The following STUM variants were observed in gnomAD, a reference collection of about 807,000 sequenced individuals.
STUM encodes the protein protein stum homolog.
In STUM, 8 loss-of-function variants were observed where a neutral mutation model predicts 15.3. The observed-to-expected ratio is 0.52, with a 90% CI of 0.31 to 0.94. The LOEUF is 0.94. Among genes scored for constraint, STUM ranks in the 40% least tolerant of loss-of-function variants. The pLI, the probability that STUM is intolerant of heterozygous loss-of-function variation, is 0.05. For synonymous variants in STUM, 78 were observed against 88.7 expected (o/e 0.88, Z 0.68); for missense variants, 142 against 204.9 (o/e 0.69, Z 1.87).
chr1:226,576,969 A>G (rs927226518), intron 1 of STUM, among the ~76,000 whole-genome samples: 1 of 152,192 alleles, frequency 6.6e-6, no homozygotes, highest in South Asian at 2.1e-4. Flanking sequence ...ATAGCTACCC[A>G]CACACTTCCT....
rs185683308 is a variant in STUM, at chr1:226,552,859, A to G, written c.202+3753A>G. On this transcript the variant is annotated intron_variant, in intron 1 of 3. Coordinates refer to ENST00000366788, the MANE Select transcript of STUM (RefSeq NM_001003665.4). The surrounding 1 kb of genome is among the most constrained non-coding windows in gnomAD (Gnocchi z 4.7). ...TGTTTTGAGACTTTATTCTTTGTCTATCTGAGTAGATCTTAAACTCCTGGG... is the reference window on the plus strand; with the variant it reads ...TGTTTTGAGACTTTATTCTTTGTCTGTCTGAGTAGATCTTAAACTCCTGGG... Among the ~76,000 whole-genome samples the G allele has an allele frequency of 2.3e-3, 350 of 152,272 alleles. 2 individuals carry two copies. The highest frequency in any genetic ancestry group is 1.5e-3 in the Non-Finnish European group (100 of 68,016).
intron 1 of STUM, among the ~76,000 whole-genome samples, chr1:226,589,943 TA>T (rs1385322825): frequency 8.7e-6 from 1 of 115,136 alleles, no homozygotes; most frequent in Non-Finnish European, 1.9e-5. Flanking sequence ...GGAGGAATGT[TA>T]ATTTTTTTTT....
At chr1:226,557,347 G>A (rs946934605) in intron 1 of STUM, among the ~76,000 whole-genome samples, 20 of 152,136 alleles carry the variant, frequency 1.3e-4, no homozygotes, top group African/African-American at 4.8e-4. Context: ...GCCTTTTAAG[G>A]CATATATACC....
intron 1 of STUM, among the ~76,000 whole-genome samples, chr1:226,582,372 C>A (rs1571806494): frequency 6.6e-6 from 1 of 152,136 alleles, no homozygotes; most frequent in Non-Finnish European, 1.5e-5. Context: ...GCAGGTGGAT[C>A]CCCTGAGGTC....
intron 1 of STUM, among the ~76,000 whole-genome samples, chr1:226,592,052 G>T (rs12724943): frequency 0.18 from 26,746 of 151,496 alleles, 2,507 homozygotes; most frequent in East Asian, 0.23. Context: ...TAATTTTTTT[G>T]TTGTTGTTGT....
chr1:226,591,507 T>C (rs1668084457), intron 1 of STUM, among the ~76,000 whole-genome samples: 1 of 152,174 alleles, frequency 6.6e-6, no homozygotes, highest in Admixed American at 6.5e-5. Context: ...AAGCCTTTGC[T>C]AAGGATCATT....
intron 1 of STUM, among the ~76,000 whole-genome samples, chr1:226,581,997 C>T (rs1002435986): frequency 5.3e-5 from 8 of 152,234 alleles, no homozygotes; most frequent in South Asian, 2.1e-4. Context: ...TTCTGCCCTG[C>T]CCCTCATTGA....
chr1:226,554,358 A>G (rs1178951974), intron 1 of STUM, among the ~76,000 whole-genome samples: 1 of 152,264 alleles, frequency 6.6e-6, no homozygotes, highest in Non-Finnish European at 1.5e-5. Context: ...GACTAACAGC[A>G]GATGGTAGGG....
At position 226,607,906 on chromosome 1, in the gene STUM, C is replaced by G. The variant is rs1258318024; in HGVS notation, c.*5866C>G. 6.6e-6 allele frequency: 1 copy of G among 152,290 alleles called. No homozygotes were observed. Among genetic ancestry groups the G allele is most frequent in the Non-Finnish European group, 1.5e-5 (1 of 68,086 alleles). The allele number at this position is 152,290 out of a possible 1,614,324, so 9.4% of individuals were successfully genotyped here. A position where few individuals can be genotyped will look rare whatever the true frequency, so the allele number is the denominator to read the frequency against. On this transcript the variant is annotated 3_prime_UTR_variant, in exon 4 of 4. Coordinates refer to ENST00000366788, the MANE Select transcript of STUM (RefSeq NM_001003665.4). ...ACCTTTGACTGCTGGGGGATGCAGGCCAGGGTCTGCCTGGAGCCTCAGGGT... is the reference window on the plus strand; with the variant it reads ...ACCTTTGACTGCTGGGGGATGCAGGGCAGGGTCTGCCTGGAGCCTCAGGGT...
intron 1 of STUM, among the ~76,000 whole-genome samples, chr1:226,554,485 G>A (rs1667418046): frequency 6.6e-6 from 1 of 152,238 alleles, no homozygotes; most frequent in South Asian, 2.1e-4. Context: ...AATAGTTGAT[G>A]TGTTGGGACA....
chr1:226,576,276 G>A (rs899460041), intron 1 of STUM, among the ~76,000 whole-genome samples: 1 of 152,234 alleles, frequency 6.6e-6, no homozygotes, highest in Admixed American at 6.5e-5. Context: ...GGGCTAGGGG[G>A]ACAGAACTGG....
chr1:226,561,823 G>C (rs940686635), intron 1 of STUM, among the ~76,000 whole-genome samples: 3 of 152,144 alleles, frequency 2.0e-5, no homozygotes, highest in African/African-American at 4.8e-5. Flanking sequence ...ACTTACACAG[G>C]GAACATGAGA....
chr1:226,549,936 G>A lies in STUM; in HGVS notation c.202+830G>A, dbSNP rs1160552902. Among the ~76,000 whole-genome samples the A allele has an allele frequency of 6.6e-6, 1 of 152,156 alleles. No homozygotes were observed. Among genetic ancestry groups the A allele is most frequent in the Non-Finnish European group, 1.5e-5 (1 of 68,020 alleles). Reference sequence around the variant, plus strand: ...AGGAGGGTGAATGGAGGCAGGGAATGAGAAGTTTTCCTGACCCTCCCTCCC... The same window carrying A: ...AGGAGGGTGAATGGAGGCAGGGAATAAGAAGTTTTCCTGACCCTCCCTCCC... On this transcript the variant is annotated intron_variant, in intron 1 of 3. Coordinates refer to ENST00000366788, the MANE Select transcript of STUM (RefSeq NM_001003665.4). The surrounding 1 kb of genome is among the most constrained non-coding windows in gnomAD (Gnocchi z 6.8).
chr1:226,558,286 G>A (rs1667482311), intron 1 of STUM, among the ~76,000 whole-genome samples: 1 of 152,220 alleles, frequency 6.6e-6, no homozygotes, highest in Non-Finnish European at 1.5e-5. Context: ...CAATTAAGTT[G>A]TGCAATACAA....
At chr1:226,554,514 G>T (rs1406993043) in intron 1 of STUM, among the ~76,000 whole-genome samples, 3 of 152,226 alleles carry the variant, frequency 2.0e-5, no homozygotes, top group Admixed American at 6.5e-5. Context: ...AGAGTGAACT[G>T]CTGGAATCAT....
At chr1:226,559,769 C>T (rs917461615) in intron 1 of STUM, among the ~76,000 whole-genome samples, 11 of 152,164 alleles carry the variant, frequency 7.2e-5, no homozygotes, top group Non-Finnish European at 1.6e-4. Flanking sequence ...GTCAGGAGAT[C>T]GAGACCATCC....
At chr1:226,577,547 G>A (rs766209641) in intron 1 of STUM, among the ~76,000 whole-genome samples, 4 of 151,990 alleles carry the variant, frequency 2.6e-5, no homozygotes, top group East Asian at 1.9e-4. Context: ...ACATAGACTC[G>A]TGCACGCATG....
chr1:226,551,100 T>C (rs1667369181), intron 1 of STUM, among the ~76,000 whole-genome samples: 1 of 152,002 alleles, frequency 6.6e-6, no homozygotes, highest in South Asian at 2.1e-4. Flanking sequence ...TTTGCTTTGG[T>C]TGCTATTGTA....
chr1:226,549,151 G>C lies in STUM; in HGVS notation c.202+45G>C. 6.6e-7 allele frequency: 1 copy of C among 1,517,872 alleles called. No homozygotes were observed. The highest frequency in any genetic ancestry group is 1.2e-5 in the South Asian group (1 of 84,366). 94.0% of individuals were successfully genotyped at this position (1,517,872 alleles called of 1,614,324 possible). A position where few individuals can be genotyped will look rare whatever the true frequency, so the allele number is the denominator to read the frequency against. ...ACCCTTGCGACCCCCACCCCGCCGC[G>C]GGAGGGCGTGGGGGGAGAGAAGGGC... On this transcript the variant is annotated intron_variant, in intron 1 of 3. Coordinates refer to ENST00000366788, the MANE Select transcript of STUM (RefSeq NM_001003665.4). The surrounding 1 kb of genome is among the most constrained non-coding windows in gnomAD (Gnocchi z 6.8).
Sources: gnomAD v4.1 joint callset for allele counts (sites outside exome capture counted in the v4.1 genomes callset) on GRCh38, gnomAD v4.1.1 for gene constraint, Gnocchi (gnomAD v3.1) non-coding constraint, MANE v1.5 for transcripts, NCBI Gene and HGNC (gene_info 2026-07-23, HGNC 2026-07-21) for gene names.